Variants in PDZD2 observed in about 807,000 individuals in gnomAD.
The protein encoded by PDZD2 is PDZ domain containing 2.
In PDZD2, 90 loss-of-function variants were observed where a neutral mutation model predicts 220.7. That is an observed-to-expected ratio of 0.41 (90% confidence interval 0.34 to 0.49). The LOEUF (loss-of-function observed/expected upper bound fraction) is 0.49. PDZD2 is among the 20% of genes least tolerant of loss of function. The pLI is 0.28. For synonymous variants in PDZD2, 1,375 were observed against 1,450.5 expected (o/e 0.95, Z 1.18); for missense variants, 3,174 against 3,608.5 (o/e 0.88, Z 3.08).
intron 2 of PDZD2, among the ~76,000 whole-genome samples, chr5:31,850,193 T>TGTATATATTA (rs1757948425): frequency 7.8e-6 from 1 of 128,230 alleles, no homozygotes; most frequent in Non-Finnish European, 1.6e-5. Context: ...TAAGTATATA[T>TGTATATATTA]GTATATATAA....
intron 6 of PDZD2, among the ~76,000 whole-genome samples, chr5:32,019,392 T>C (rs988359568): frequency 2.0e-5 from 3 of 152,126 alleles, no homozygotes; most frequent in Non-Finnish European, 2.9e-5. Flanking sequence ...AATCCTCCCG[T>C]CTCAGCCTCC....
intron 1 of PDZD2, among the ~76,000 whole-genome samples, chr5:31,641,743 T>C (rs1427160940): frequency 2.0e-5 from 3 of 151,978 alleles, no homozygotes; most frequent in African/African-American, 7.3e-5. Flanking sequence ...GGTGTCTTGG[T>C]CTCCCAACGT....
intron 2 of PDZD2, among the ~76,000 whole-genome samples, chr5:31,872,983 A>G (rs1309636374): frequency 3.9e-5 from 6 of 152,196 alleles, no homozygotes; most frequent in Admixed American, 3.3e-4. Flanking sequence ...CATATGAAAA[A>G]ATATATAAAT....
chr5:31,943,156 T>C (rs1746353424), intron 2 of PDZD2, among the ~76,000 whole-genome samples: 10 of 151,722 alleles, frequency 6.6e-5, no homozygotes, highest in Admixed American at 5.2e-4. Flanking sequence ...TGAGTCGAGA[T>C]TGTGCCACTG....
intron 1 of PDZD2, among the ~76,000 whole-genome samples, chr5:31,681,763 T>C (rs1029047341): frequency 6.6e-6 from 1 of 152,186 alleles, no homozygotes; most frequent in Non-Finnish European, 1.5e-5. Flanking sequence ...AGTTTGAAGA[T>C]ACTGACAAGC....
intron 1 of PDZD2, among the ~76,000 whole-genome samples, chr5:31,691,625 T>TTCTCTTATC (rs1747139377): frequency 1.3e-5 from 2 of 152,182 alleles, no homozygotes; most frequent in Non-Finnish European, 2.9e-5. Context: ...CCCCTGCTGA[T>TTCTCTTATC]TGGTAGAGCC....
intron 19 of PDZD2, among the ~76,000 whole-genome samples, chr5:32,080,002 C>A (rs1468618929): frequency 6.6e-6 from 1 of 152,088 alleles, no homozygotes; most frequent in Non-Finnish European, 1.5e-5. Flanking sequence ...TGGACAAACA[C>A]TAACAAGCAT....
At chr5:31,931,626 C>T (rs1030888393) in intron 2 of PDZD2, among the ~76,000 whole-genome samples, 1 of 152,066 alleles carries the variant, frequency 6.6e-6, no homozygotes, top group Admixed American at 6.6e-5. Context: ...ATCCAGGTGA[C>T]AGGAGGGAGG....
At chr5:31,692,396 C>T (rs1747180725) in intron 1 of PDZD2, among the ~76,000 whole-genome samples, 3 of 152,354 alleles carry the variant, frequency 2.0e-5, no homozygotes, top group Admixed American at 6.5e-5. Flanking sequence ...CTTGGCCAGC[C>T]CAGAAAGGGG....
At chr5:31,812,654 C>T (rs1023076316) in intron 2 of PDZD2, among the ~76,000 whole-genome samples, 1 of 152,168 alleles carries the variant, frequency 6.6e-6, no homozygotes, top group Admixed American at 6.5e-5. Flanking sequence ...TATGTAGGCT[C>T]ACCTGATGAA....
intron 2 of PDZD2, among the ~76,000 whole-genome samples, chr5:31,867,284 A>G (rs998609217): frequency 4.6e-5 from 7 of 152,234 alleles, no homozygotes; most frequent in African/African-American, 1.4e-4. Flanking sequence ...GCCCCAGTGT[A>G]TACAGTTGGG....
At chr5:31,676,090 A>G (rs546435348) in intron 1 of PDZD2, among the ~76,000 whole-genome samples, 1 of 152,338 alleles carries the variant, frequency 6.6e-6, no homozygotes, top group African/African-American at 2.4e-5. Context: ...GAAAATGCCT[A>G]TTTTATACTC....
At chr5:32,072,356 C>G in intron 17 of PDZD2, 39 bp downstream of exon 17, 1 of 1,533,300 alleles carries the variant, frequency 6.5e-7, no homozygotes, top group East Asian at 2.3e-5. Flanking sequence ...GCTCTGCATT[C>G]CAGTCAGCAG....
intron 2 of PDZD2, among the ~76,000 whole-genome samples, chr5:31,811,860 C>T (rs1323130374): frequency 6.6e-6 from 1 of 151,874 alleles, no homozygotes; most frequent in Non-Finnish European, 1.5e-5. Context: ...CGTGGTGGTG[C>T]GTGCCTGTAA....
chr5:31,695,330 C>A (rs1904456), intron 1 of PDZD2, among the ~76,000 whole-genome samples: 29,181 of 151,992 alleles, frequency 0.19, 2,807 homozygotes, highest in East Asian at 0.29. Context: ...TCATCAAAGT[C>A]AATGATATTT....
intron 2 of PDZD2, among the ~76,000 whole-genome samples, chr5:31,799,963 G>A (rs545916467): frequency 1.3e-5 from 2 of 152,084 alleles, no homozygotes; most frequent in African/African-American, 4.8e-5. Flanking sequence ...CCCAGCAACC[G>A]TGAGGCTCCC....
intron 1 of PDZD2, among the ~76,000 whole-genome samples, chr5:31,643,256 G>A (rs1055394527): frequency 6.6e-6 from 1 of 152,208 alleles, no homozygotes; most frequent in African/African-American, 2.4e-5. Context: ...CTTGCCTGAA[G>A]CTTTCTTTCA....
At chr5:31,870,930 A>G (rs189228072) in intron 2 of PDZD2, among the ~76,000 whole-genome samples, 2 of 152,072 alleles carry the variant, frequency 1.3e-5, no homozygotes, top group Admixed American at 6.6e-5. Context: ...ACCTTATTCA[A>G]ATAACTTAGA....
intron 2 of PDZD2, among the ~76,000 whole-genome samples, chr5:31,841,351 C>T (rs960279781): frequency 6.6e-6 from 1 of 152,176 alleles, no homozygotes; most frequent in Non-Finnish European, 1.5e-5. Context: ...CCCACTAAGC[C>T]AGGCTTTCCC....
Sources: allele counts gnomAD v4.1 joint callset (sites outside exome capture counted in the v4.1 genomes callset), GRCh38; gene constraint gnomAD v4.1.1; transcripts MANE v1.5; gene names NCBI Gene and HGNC (gene_info 2026-07-23, HGNC 2026-07-21).